Variants in RANGAP1 observed in about 807,000 individuals in gnomAD.
RANGAP1 encodes ran GTPase-activating protein 1.
Under a neutral mutation model 63.5 loss-of-function variants are expected in RANGAP1, and 38 were observed. The observed-to-expected ratio is 0.60, with a 90% CI of 0.46 to 0.78. The LOEUF (loss-of-function observed/expected upper bound fraction) is 0.78, where lower values mean the gene tolerates loss of function less well. Ranked by LOEUF, RANGAP1 falls within the 30% of genes least tolerant of loss-of-function variation. The pLI is 0.00. For missense variants in RANGAP1, 630 were observed against 740.3 expected, an observed-to-expected ratio of 0.85 and a Z score of 1.73; for synonymous variants, 329 against 310.5, an observed-to-expected ratio of 1.06 and a Z score of -0.63.
At chr22:41,280,641 T>C (rs1409314421) in intron 2 of RANGAP1, 3 of 1,317,200 alleles carry the variant, frequency 2.3e-6, no homozygotes, top group South Asian at 1.2e-5. Flanking sequence ...TCAGAGGCTG[T>C]ATCTTGGGAC....
chr22:41,291,900 CAAAAAT>C, the RANGAP1 span, among the ~76,000 whole-genome samples: 1 of 151,110 alleles, frequency 6.6e-6, no homozygotes, highest in African/African-American at 2.4e-5. Context: ...GACTCTGTCT[CAAAAAT>C]AATAATAATA....
At chr22:41,270,576 T>C (rs941966577) in intron 3 of RANGAP1, among the ~76,000 whole-genome samples, 17 of 152,238 alleles carry the variant, frequency 1.1e-4, no homozygotes, top group Admixed American at 2.0e-4. Flanking sequence ...ACCTCCCAAG[T>C]AGCTGGGACT....
chr22:41,256,872 C>A lies in RANGAP1; in HGVS notation c.775-48G>T. ...CAGAGTGAGGGTGCAGACCACACCC[C>A]AGCCCTCAGCAAGCCCCGGGGGCCC... On this transcript the variant is annotated intron_variant, in intron 7 of 15. Coordinates refer to ENST00000356244, the MANE Select transcript of RANGAP1 (RefSeq NM_002883.4). 2.7e-6 allele frequency: 4 copies of A among 1,507,122 alleles called. No individual in the cohort carries two copies. In the South Asian group the frequency reaches 4.6e-5, roughly 17 times the overall value. The allele number at this position is 1,507,122 out of a possible 1,614,324, so 93.4% of individuals were successfully genotyped here.
rs1189581144 is a variant in RANGAP1 at position 41,271,380 on chromosome 22, T to C, written c.240+3220A>G. Reference sequence around the variant, plus strand: ...TACAGCCTGGGCAATGGCGTGAAACTGTCTCTAAAAAAAAACAAAAAAAAA... The same window carrying C: ...TACAGCCTGGGCAATGGCGTGAAACCGTCTCTAAAAAAAAACAAAAAAAAA... On this transcript the variant is annotated intron_variant, in intron 3 of 15. Coordinates refer to ENST00000356244, the MANE Select transcript of RANGAP1 (RefSeq NM_002883.4). Among the ~76,000 whole-genome samples the C allele has an allele frequency of 4.2e-5, 5 of 120,410 alleles. No individual in the cohort carries two copies. In the East Asian group the frequency reaches 9.5e-4, roughly 23 times the overall value. The allele number at this position is 120,410 out of a possible 152,430, so 79.0% of individuals were successfully genotyped here. A position where few individuals can be genotyped will look rare whatever the true frequency, so the allele number is the denominator to read the frequency against.
intron 5 of RANGAP1, 150 bp from the exon 6 acceptor site, chr22:41,261,730 C>A: frequency 1.2e-6 from 1 of 858,434 alleles, no homozygotes; most frequent in South Asian, 1.7e-5. Context: ...AACAGTCACA[C>A]CTTAAATATG....
At chr22:41,299,821 G>A in the RANGAP1 span, among the ~76,000 whole-genome samples, 7 of 151,370 alleles carry the variant, frequency 4.6e-5, no homozygotes, top group East Asian at 9.8e-4. Context: ...GCATGATCCC[G>A]GCTCACTGCA....
At chr22:41,300,428 TCACACACACACACACACACA>T in the RANGAP1 span, among the ~76,000 whole-genome samples, 7 of 36,276 alleles carry the variant, frequency 1.9e-4, no homozygotes, top group African/African-American at 4.8e-4. Flanking sequence ...TATTGGGAAC[TCACACACACACACACACACA>T]CACACACACA....
At position 41,258,192 on chromosome 22, in the gene RANGAP1, C is replaced by T. The variant is rs1032257840; in HGVS notation, c.616-86G>A. On this transcript the variant is annotated intron_variant, in intron 6 of 15. Transcript: ENST00000356244. ...GGAGAGCAATTCCACACAGCAGGCA[C>T]AGGAATGGGCTGCCGCCAGCACAGG... The T allele has an allele frequency of 4.2e-6, 6 of 1,437,938 alleles. No homozygotes were observed. The African/African-American group carries it at 8.5e-5, about 20-fold the overall frequency. The allele number at this position is 1,437,938 out of a possible 1,614,324, so 89.1% of individuals were successfully genotyped here. A position where few individuals can be genotyped will look rare whatever the true frequency, so the allele number is the denominator to read the frequency against.
intron 2 of RANGAP1, among the ~76,000 whole-genome samples, chr22:41,275,925 G>A (rs2035115118): frequency 2.0e-5 from 3 of 152,106 alleles, no homozygotes; most frequent in Admixed American, 6.6e-5. Context: ...CAGCCAGGGG[G>A]ACAGAGCAAG....
At chr22:41,259,620 T>C (rs2034045839) in intron 6 of RANGAP1, among the ~76,000 whole-genome samples, 1 of 152,180 alleles carries the variant, frequency 6.6e-6, no homozygotes, top group Non-Finnish European at 1.5e-5. Context: ...GTGAGAAATA[T>C]TTCTATATAT....
chr22:41,291,973 G>A, the RANGAP1 span, among the ~76,000 whole-genome samples: 2 of 151,678 alleles, frequency 1.3e-5, no homozygotes, highest in Non-Finnish European at 2.9e-5. Flanking sequence ...CCAGGCTGGG[G>A]TGCAGTGGTG....
intron 1 of RANGAP1, chr22:41,281,550 A>C (rs2035491815): frequency 7.1e-6 from 7 of 988,800 alleles, no homozygotes; most frequent in Non-Finnish European, 8.4e-6. Context: ...ATCCCAGAGA[A>C]TGCCCCACCA....
the RANGAP1 span, among the ~76,000 whole-genome samples, chr22:41,298,610 C>T: frequency 2.6e-5 from 4 of 152,104 alleles, no homozygotes; most frequent in African/African-American, 7.2e-5. Context: ...CCACCACGCC[C>T]GGCCTCGGCC....
At chr22:41,248,540 TCCTCTGCCTGCC>T (rs1287512542) in intron 15 of RANGAP1, among the ~76,000 whole-genome samples, 3 of 152,196 alleles carry the variant, frequency 2.0e-5, no homozygotes, top group Admixed American at 2.0e-4. Context: ...ACTTCCTTGC[TCCTCTGCCTGCC>T]CCATGTCCCC....
At chr22:41,281,243 G>T in intron 1 of RANGAP1, 161 bp from the exon 2 acceptor site, 2 of 937,786 alleles carry the variant, frequency 2.1e-6, no homozygotes, top group Non-Finnish European at 3.0e-6. Context: ...ATCAGAGAAG[G>T]AACAGTTCTA....
chr22:41,266,691 C>T (rs973825641), intron 4 of RANGAP1, among the ~76,000 whole-genome samples: 7 of 152,156 alleles, frequency 4.6e-5, no homozygotes, highest in Non-Finnish European at 5.9e-5. Context: ...CCTGCCATCA[C>T]GCCCAGCTAA....
intron 10 of RANGAP1, among the ~76,000 whole-genome samples, chr22:41,255,299 G>C (rs1204947120): frequency 6.6e-6 from 1 of 152,186 alleles, no homozygotes; most frequent in Non-Finnish European, 1.5e-5. Context: ...TCAGGGCCTA[G>C]CACCGAGGAG....
chr22:41,292,396 C>T, the RANGAP1 span, among the ~76,000 whole-genome samples: 5 of 151,852 alleles, frequency 3.3e-5, no homozygotes, highest in East Asian at 2.0e-4. Context: ...ATGATCTGCC[C>T]GCCTCTGCCT....
chr22:41,258,446 C>T (rs2033972365), intron 6 of RANGAP1, among the ~76,000 whole-genome samples: 1 of 152,186 alleles, frequency 6.6e-6, no homozygotes, highest in Non-Finnish European at 1.5e-5. Flanking sequence ...GGTGGGCAGG[C>T]ACTCATGCCC....
Sources: allele counts gnomAD v4.1 joint callset (sites outside exome capture counted in the v4.1 genomes callset), GRCh38; gene constraint gnomAD v4.1.1; transcripts MANE v1.5; gene names NCBI Gene and HGNC (gene_info 2026-07-23, HGNC 2026-07-21).